The following SLC9A3 variants were observed in gnomAD, a reference collection of about 807,000 sequenced individuals.
The protein encoded by SLC9A3 is solute carrier family 9 member A3, also known as sodium/hydrogen exchanger 3.
Under a neutral mutation model 86.8 loss-of-function variants are expected in SLC9A3, and 37 were observed. That is an observed-to-expected ratio of 0.43 (90% CI 0.33 to 0.56). The LOEUF is 0.56. SLC9A3 is among the 20% of genes least tolerant of loss of function. The pLI, the probability that SLC9A3 is intolerant of heterozygous loss-of-function variation, is 0.06. For missense variants in SLC9A3, 1,011 were observed against 1,171.9 expected, an observed-to-expected ratio of 0.86 and a Z score of 2.00; for synonymous variants, 581 against 528.3, an observed-to-expected ratio of 1.10 and a Z score of -1.37.
intron 10 of SLC9A3, chr5:479,423 A>G (rs901030394): frequency 5.0e-6 from 1 of 200,644 alleles, no homozygotes; most frequent in Non-Finnish European, 1.0e-5. Flanking sequence ...TGGCCGGCCC[A>G]CAGCGGGAGA....
rs1478056017 is a variant in SLC9A3, at chr5:497,323, C to T, written c.212-5252G>A. Among the ~76,000 whole-genome samples, 3 of 152,146 alleles carry T rather than the reference C, an allele frequency of 2.0e-5. No individual in the cohort carries two copies. The highest frequency in any genetic ancestry group is 2.9e-5 in the Non-Finnish European group (2 of 68,016). On this transcript the variant is annotated intron_variant, in intron 1 of 16. Coordinates refer to ENST00000264938, the MANE Select transcript of SLC9A3 (RefSeq NM_004174.4). The surrounding 1 kb of genome is among the most constrained non-coding windows in gnomAD (Gnocchi z 5.4). ...TTCCCTCCAGGTGCAGGAGTCGACG[C>T]CCCCCACTGCCCTCGAAACCTGGTT...
At chr5:482,512 G>A in intron 7 of SLC9A3, 36 bp downstream of exon 7, 1 of 1,557,568 alleles carries the variant, frequency 6.4e-7, no homozygotes, top group Non-Finnish European at 8.8e-7. Flanking sequence ...TCGCGGGCGG[G>A]GCCGAGACCC....
chr5:507,191 C>T (rs1172707171), intron 1 of SLC9A3, among the ~76,000 whole-genome samples: 2 of 2,092 alleles, frequency 9.6e-4, no homozygotes, highest in African/African-American at 2.7e-3. Flanking sequence ...TTTTTTGAGA[C>T]GGAGTCTGGC....
chr5:512,218 G>C (rs908540994), intron 1 of SLC9A3, among the ~76,000 whole-genome samples: 3 of 152,216 alleles, frequency 2.0e-5, no homozygotes, highest in African/African-American at 7.2e-5. Context: ...ACTCACAGAA[G>C]TGTAACACCA....
At chr5:511,337 T>C (rs983228916) in intron 1 of SLC9A3, among the ~76,000 whole-genome samples, 4 of 152,186 alleles carry the variant, frequency 2.6e-5, no homozygotes. Context: ...AATTGGTAAG[T>C]TGGACTTTAT....
rs759267245 is a variant in SLC9A3 at position 484,695 on chromosome 5, A to G, written c.757T>C (p.Ser253Pro). The change falls in exon 5 of 17, where the codon TCC (serine) becomes CCC (proline). Residue 253 changes from serine to proline, a missense_variant and splice_region_variant. Physicochemically the swap from Ser to Pro is moderately conservative, Grantham distance 74. Around this residue, in one of 3 missense-constraint regions of SLC9A3, gnomAD observed 565 missense variants for 790.0 expected, o/e 0.72. Coordinates refer to ENST00000264938, the MANE Select transcript of SLC9A3 (RefSeq NM_004174.4). ...CCCCCCAGGCTCACCACGAAGAAGG[A>G]CACTGGGTAGAGGACGCCCTTTGTG... Reference protein sequence around the residue: ...TGVDCVKGIVSFFVVSLGGTL... With the variant: ...TGVDCVKGIVPFFVVSLGGTL... The G allele has an allele frequency of 1.2e-6, 2 of 1,612,882 alleles. No homozygotes were observed. The highest frequency in any genetic ancestry group is 3.3e-5 in the Admixed American group (2 of 60,030).
chr5:473,674 G>C (rs115806815), intron 16 of SLC9A3, among the ~76,000 whole-genome samples: 2,431 of 152,282 alleles, frequency 0.016, 41 homozygotes, highest in African/African-American at 0.044. Flanking sequence ...TGCAGCGCGG[G>C]AGGTCAAGGT....
At chr5:483,618 C>T (rs570023509) in intron 5 of SLC9A3, 136 bp from the exon 6 acceptor site, 84 of 688,228 alleles carry the variant, frequency 1.2e-4, no homozygotes, top group African/African-American at 1.2e-3. Flanking sequence ...CTCTTCCTCC[C>T]GAGCCAGGCT....
At chr5:481,454 C>T in intron 9 of SLC9A3, 111 bp downstream of exon 9, 1 of 954,528 alleles carries the variant, frequency 1.0e-6, no homozygotes. Context: ...GAGCCCTGAC[C>T]AAGCCTGGAC....
In SLC9A3 at chr5:471,746, A is replaced by G. The variant is rs1246922000; in HGVS notation, c.*1633T>C. On this transcript the variant is annotated 3_prime_UTR_variant, in exon 17 of 17. Coordinates refer to ENST00000264938, the MANE Select transcript of SLC9A3 (RefSeq NM_004174.4). The stretch of plus-strand genomic sequence containing the variant: ...AAGTCACTGCGCTTGATCTGATCCA[A>G]GTAACAGTGACTGCAGTTAGGGTCG... 5 of 455,766 alleles carry G rather than the reference A, an allele frequency of 1.1e-5. No individual in the cohort carries two copies. The highest frequency in any genetic ancestry group is 2.2e-5 in the Non-Finnish European group (5 of 226,602). The allele number at this position is 455,766 out of a possible 1,614,324, so 28.2% of individuals were successfully genotyped here. A position where few individuals can be genotyped will look rare whatever the true frequency, so the allele number is the denominator to read the frequency against.
chr5:473,734 G>A (rs970778085), intron 16 of SLC9A3, among the ~76,000 whole-genome samples: 2 of 152,198 alleles, frequency 1.3e-5, no homozygotes, highest in Non-Finnish European at 2.9e-5. Flanking sequence ...GCGTCCCCCG[G>A]GTGCCTCCCA....
intron 3 of SLC9A3, among the ~76,000 whole-genome samples, chr5:486,046 C>T (rs562459809): frequency 4.6e-5 from 7 of 152,342 alleles, no homozygotes; most frequent in South Asian, 4.1e-4. Context: ...CAAATTCCCC[C>T]GAGAATATCT....
chr5:478,975 G>A (rs1178791534), intron 10 of SLC9A3: 1 of 154,352 alleles, frequency 6.5e-6, no homozygotes, highest in African/African-American at 2.4e-5. Context: ...GCACGTCAGT[G>A]GAGGCAGAAT....
intron 1 of SLC9A3, among the ~76,000 whole-genome samples, chr5:513,152 A>G (rs1287310498): frequency 6.6e-6 from 1 of 151,954 alleles, no homozygotes; most frequent in Non-Finnish European, 1.5e-5. Flanking sequence ...GTGGGCTGGG[A>G]CCACTGAGAT....
At chr5:476,779 G>T in intron 11 of SLC9A3, 107 bp from the exon 12 acceptor site, 1 of 1,399,512 alleles carries the variant, frequency 7.1e-7, no homozygotes, top group Non-Finnish European at 9.8e-7. Flanking sequence ...CCTCCTGCGT[G>T]CCCCTCGCCT....
chr5:486,804 GCACCGT>G (rs1739493048), intron 3 of SLC9A3, among the ~76,000 whole-genome samples: 2 of 152,178 alleles, frequency 1.3e-5, no homozygotes, highest in South Asian at 4.1e-4. Context: ...ACACGGGAAG[GCACCGT>G]CTGCAAGTCC....
Position 498,488 on chromosome 5 carries a change from C to T in SLC9A3, c.212-6417G>A, listed in dbSNP as rs150371951. On this transcript the variant is annotated intron_variant, in intron 1 of 16. Transcript: ENST00000264938. The stretch of plus-strand genomic sequence containing the variant: ...CACCACCTCGGCTCACTGCAACCTC[C>T]GCCTCCTGGGTTCAAGCGATTCTCC... 2.1e-4 allele frequency among the ~76,000 whole-genome samples: 32 copies of T among 152,326 alleles called. No homozygotes were observed. In the East Asian group the frequency reaches 3.3e-3, roughly 16 times the overall value.
chr5:487,904 G>T (rs1268505765), intron 3 of SLC9A3, among the ~76,000 whole-genome samples: 1 of 152,156 alleles, frequency 6.6e-6, no homozygotes. Context: ...CTGACCTCAG[G>T]TGATCCACCT....
intron 1 of SLC9A3, among the ~76,000 whole-genome samples, chr5:520,812 A>G (rs1733864458): frequency 6.6e-6 from 1 of 151,044 alleles, no homozygotes; most frequent in Admixed American, 6.6e-5. Context: ...ATCCCACCCC[A>G]GGGCCCCCAC....
Sources: allele counts gnomAD v4.1 joint callset (sites outside exome capture counted in the v4.1 genomes callset), GRCh38; gene constraint gnomAD v4.1.1; regional missense constraint gnomAD v4.1.1; non-coding constraint Gnocchi (gnomAD v3.1); transcripts MANE v1.5; gene names NCBI Gene and HGNC (gene_info 2026-07-23, HGNC 2026-07-21).